The following MACROD2 variants were observed in gnomAD, a reference collection of about 807,000 sequenced individuals.
The protein encoded by MACROD2 is ADP-ribose glycohydrolase MACROD2.
A neutral mutation model predicts 70.4 loss-of-function variants in MACROD2; 36 were observed. The ratio of observed to expected loss-of-function variants is 0.51; its 90% CI spans 0.39 to 0.68. The LOEUF is 0.68. Among genes scored for constraint, MACROD2 ranks in the 30% least tolerant of loss-of-function variants. The probability of loss-of-function intolerance (pLI) is 0.00; values close to 1 mark genes in which losing one functional copy is unlikely to be tolerated. For synonymous variants in MACROD2, 172 were observed against 178.8 expected (o/e 0.96, Z 0.30); for missense variants, 496 against 538.4 (o/e 0.92, Z 0.78).
At chr20:15,792,189 A>G (rs2063630199) in intron 8 of MACROD2, among the ~76,000 whole-genome samples, 2 of 152,068 alleles carry the variant, frequency 1.3e-5, no homozygotes, top group Admixed American at 1.3e-4. Flanking sequence ...TGCATGCAAA[A>G]ACAAAAATTG....
chr20:14,555,784 C>A (rs531037163), intron 4 of MACROD2, among the ~76,000 whole-genome samples: 48 of 152,090 alleles, frequency 3.2e-4, no homozygotes, highest in African/African-American at 1.1e-3. Flanking sequence ...TGTAAAGGCG[C>A]AAATGAAAAC....
intron 13 of MACROD2, among the ~76,000 whole-genome samples, chr20:15,971,012 T>G (rs2066222514): frequency 6.6e-6 from 1 of 152,156 alleles, no homozygotes; most frequent in Non-Finnish European, 1.5e-5. Context: ...CAAAAATATT[T>G]ATAAAAATTA....
At chr20:15,241,617 TG>T (rs990954285) in intron 6 of MACROD2, among the ~76,000 whole-genome samples, 9 of 152,166 alleles carry the variant, frequency 5.9e-5, no homozygotes, top group Non-Finnish European at 1.3e-4. Context: ...TTGGGCAGTA[TG>T]GTGAATCAAT....
chr20:14,687,852 A>G (rs983432805), intron 5 of MACROD2, among the ~76,000 whole-genome samples: 3 of 152,112 alleles, frequency 2.0e-5, no homozygotes, highest in Non-Finnish European at 2.9e-5. Context: ...AAAAGCATAA[A>G]GGAAAGCAAG....
intron 3 of MACROD2, among the ~76,000 whole-genome samples, chr20:14,279,978 T>C (rs1742576555): frequency 6.6e-6 from 1 of 152,170 alleles, no homozygotes; most frequent in African/African-American, 2.4e-5. Flanking sequence ...CCCTATGGGA[T>C]AGTCTTACAG....
At chr20:14,975,664 C>A (rs781199741) in intron 5 of MACROD2, among the ~76,000 whole-genome samples, 13 of 151,928 alleles carry the variant, frequency 8.6e-5, no homozygotes, top group Non-Finnish European at 8.8e-5. Context: ...TTACAGCATT[C>A]GACTCTCACG....
At chr20:14,770,146 T>C (rs913518849) in intron 5 of MACROD2, among the ~76,000 whole-genome samples, 1 of 152,008 alleles carries the variant, frequency 6.6e-6, no homozygotes, top group African/African-American at 2.4e-5. Context: ...AAAGGACACA[T>C]ACGAAAATGT....
chr20:15,809,374 G>A (rs901281138), intron 8 of MACROD2, among the ~76,000 whole-genome samples: 1 of 152,156 alleles, frequency 6.6e-6, no homozygotes, highest in Non-Finnish European at 1.5e-5. Flanking sequence ...ACCTGAGTGT[G>A]AGTAATTTAC....
chr20:14,989,767 G>A (rs191617), intron 5 of MACROD2, among the ~76,000 whole-genome samples: 3,381 of 152,040 alleles, frequency 0.022, 70 homozygotes, highest in Admixed American at 0.048. Flanking sequence ...TGTTGGGTCC[G>A]GTCCGTTTTA....
chr20:14,090,179 G>A (rs548197068), intron 3 of MACROD2, among the ~76,000 whole-genome samples: 12 of 152,296 alleles, frequency 7.9e-5, no homozygotes, highest in African/African-American at 2.9e-4. Context: ...ATGTGAATGT[G>A]TGTATATATG....
At chr20:15,916,424 A>G (rs1381033285) in intron 10 of MACROD2, among the ~76,000 whole-genome samples, 5 of 152,362 alleles carry the variant, frequency 3.3e-5, no homozygotes, top group East Asian at 1.9e-4. Flanking sequence ...TGTTCTGTTC[A>G]TTAGAACTGA....
At chr20:15,244,171 A>G (rs2077085214) in intron 6 of MACROD2, among the ~76,000 whole-genome samples, 1 of 152,124 alleles carries the variant, frequency 6.6e-6, no homozygotes, top group South Asian at 2.1e-4. Flanking sequence ...ATCCTTTCCA[A>G]TTCTATGTTC....
At chr20:15,290,695 G>A (rs528851795) in intron 6 of MACROD2, among the ~76,000 whole-genome samples, 2 of 152,304 alleles carry the variant, frequency 1.3e-5, no homozygotes, top group South Asian at 4.1e-4. Flanking sequence ...TAAGATACAA[G>A]CCAGCATTAC....
intron 10 of MACROD2, among the ~76,000 whole-genome samples, chr20:15,886,958 A>G (rs1285841360): frequency 2.0e-5 from 3 of 152,134 alleles, no homozygotes; most frequent in Non-Finnish European, 4.4e-5. Flanking sequence ...GCTTAAGTCT[A>G]TGATTAAAAG....
At chr20:14,854,893 G>A (rs772267690) in intron 5 of MACROD2, among the ~76,000 whole-genome samples, 1 of 152,058 alleles carries the variant, frequency 6.6e-6, no homozygotes, top group Non-Finnish European at 1.5e-5. Context: ...GTGGACGCCT[G>A]TAGTCCCAGC....
chr20:14,867,568 C>T lies in MACROD2; in HGVS notation c.418+182609C>T, dbSNP rs529223646. On this transcript the variant is annotated intron_variant, in intron 5 of 17. Coordinates refer to ENST00000684519, the MANE Select transcript of MACROD2 (RefSeq NM_001351661.2). Reference sequence around the variant, plus strand: ...GATTCCTGTTTAACAGGTGACTTCACACCTTAACCTTGACCAGCCTTCTAT... The same window carrying T: ...GATTCCTGTTTAACAGGTGACTTCATACCTTAACCTTGACCAGCCTTCTAT... 2.6e-5 allele frequency among the ~76,000 whole-genome samples: 4 copies of T among 152,234 alleles called. No homozygotes were observed. In the East Asian group the frequency reaches 7.7e-4, roughly 29 times the overall value.
chr20:15,575,759 A>T (rs2048438835), intron 8 of MACROD2, among the ~76,000 whole-genome samples: 9 of 152,182 alleles, frequency 5.9e-5, no homozygotes, highest in Admixed American at 5.9e-4. Context: ...ATTTTCACAG[A>T]CTGGGCACAT....
intron 4 of MACROD2, among the ~76,000 whole-genome samples, chr20:14,681,129 A>C (rs1371054423): frequency 6.6e-6 from 1 of 152,182 alleles, no homozygotes; most frequent in Admixed American, 6.5e-5. Context: ...GGCTGACGAC[A>C]ACAAGGGACT....
At chr20:14,858,888 A>C (rs190778844) in intron 5 of MACROD2, among the ~76,000 whole-genome samples, 1 of 152,268 alleles carries the variant, frequency 6.6e-6, no homozygotes, top group Admixed American at 6.5e-5. Context: ...ACATGAGTAA[A>C]GTGAAAGTTT....
Sources: allele counts gnomAD v4.1 joint callset (sites outside exome capture counted in the v4.1 genomes callset), GRCh38; gene constraint gnomAD v4.1.1; transcripts MANE v1.5; gene names NCBI Gene and HGNC (gene_info 2026-07-23, HGNC 2026-07-21).